Variants in CSMD1 observed in about 807,000 individuals in gnomAD.
CSMD1 encodes the protein CUB and Sushi multiple domains 1.
CSMD1 carries 213 observed loss-of-function variants against 417.5 expected under a neutral mutation model. The ratio of observed to expected loss-of-function variants is 0.51; its 90% CI spans 0.46 to 0.57. The LOEUF (loss-of-function observed/expected upper bound fraction) is 0.57. CSMD1 is among the 20% of genes least tolerant of loss of function. The pLI is 0.00. For synonymous variants in CSMD1, 2,862 were observed against 1,736.8 expected (o/e 1.65, Z -16.11); for missense variants, 6,923 against 4,529.7 (o/e 1.53, Z -15.17).
chr8:3,497,149 C>T (rs974454517), intron 10 of CSMD1, among the ~76,000 whole-genome samples: 2 of 152,142 alleles, frequency 1.3e-5, no homozygotes, highest in Non-Finnish European at 2.9e-5. Flanking sequence ...CTGTAAATGT[C>T]CGTTAGGTCC....
At chr8:4,280,955 C>A (rs1008849708) in intron 3 of CSMD1, among the ~76,000 whole-genome samples, 1 of 152,104 alleles carries the variant, frequency 6.6e-6, no homozygotes, top group Admixed American at 6.6e-5. Context: ...TTTCCAAACA[C>A]ACTTGAAAGT....
chr8:4,747,655 G>C (rs1057303120), intron 1 of CSMD1, among the ~76,000 whole-genome samples: 1 of 152,062 alleles, frequency 6.6e-6, no homozygotes, highest in African/African-American at 2.4e-5. Flanking sequence ...TTTATACTCA[G>C]TTGTTGATTT....
intron 20 of CSMD1, among the ~76,000 whole-genome samples, chr8:3,362,025 C>T (rs367550737): frequency 2.6e-5 from 4 of 152,170 alleles, no homozygotes; most frequent in Admixed American, 2.6e-4. Flanking sequence ...AGAATTCCAT[C>T]TTCTCACCAA....
chr8:4,687,383 C>T (rs1224844583), intron 1 of CSMD1, among the ~76,000 whole-genome samples: 1 of 152,096 alleles, frequency 6.6e-6, no homozygotes, highest in East Asian at 1.9e-4. Flanking sequence ...ATATAGCTTA[C>T]AAATGTCATA....
chr8:3,292,636 A>T (rs144408061), intron 25 of CSMD1, among the ~76,000 whole-genome samples: 1,846 of 152,186 alleles, frequency 0.012, 41 homozygotes, highest in African/African-American at 0.042. Context: ...TTTATCAGAG[A>T]CTAGGATGGC....
chr8:3,052,502 A>G lies in CSMD1; in HGVS notation c.7620T>C (p.Asp2540=), dbSNP rs1164335610. Residue 2540 remains aspartate, a synonymous_variant, in exon 50 of 70, where the codon GAT becomes GAC. Transcript: ENST00000635120. ...SQQATAVCQE[D]GLWSNKGKPP... The stretch of plus-strand genomic sequence containing the variant: ...GCTTCCCCTTGTTACTCCACAACCC[A>G]TCTTCTTGACACACGGCTGTTGCTT... 3 of 1,596,756 alleles carry G rather than the reference A, an allele frequency of 1.9e-6. No individual in the cohort carries two copies. The African/African-American group carries it at 4.0e-5, about 21-fold the overall frequency.
chr8:3,723,630 A>T (rs75231174), intron 6 of CSMD1, among the ~76,000 whole-genome samples: 2,442 of 150,892 alleles, frequency 0.016, 54 homozygotes, highest in African/African-American at 0.044. Context: ...AGAATTTTAG[A>T]CAAGTAGTGT....
intron 12 of CSMD1, among the ~76,000 whole-genome samples, chr8:3,464,732 G>A (rs1227418821): frequency 1.3e-5 from 2 of 151,924 alleles, no homozygotes; most frequent in South Asian, 2.1e-4. Flanking sequence ...AATGGTCAGT[G>A]TTGCTTTATA....
intron 3 of CSMD1, among the ~76,000 whole-genome samples, chr8:4,128,702 C>T (rs1019785274): frequency 6.6e-6 from 1 of 152,124 alleles, no homozygotes; most frequent in Non-Finnish European, 1.5e-5. Context: ...CACGCCCACA[C>T]ACTGTCCACT....
chr8:4,701,810 C>A (rs1486219476), intron 1 of CSMD1, among the ~76,000 whole-genome samples: 1 of 152,074 alleles, frequency 6.6e-6, no homozygotes, highest in African/African-American at 2.4e-5. Context: ...GATGCATAAT[C>A]TCATATTTAC....
intron 1 of CSMD1, among the ~76,000 whole-genome samples, chr8:4,723,190 G>T (rs982384062): frequency 1.3e-5 from 2 of 152,066 alleles, no homozygotes; most frequent in African/African-American, 2.4e-5. Context: ...TGGGGAACCC[G>T]CCAGGAAGTC....
chr8:3,179,601 T>C (rs1821184106), intron 37 of CSMD1, among the ~76,000 whole-genome samples: 1 of 152,224 alleles, frequency 6.6e-6, no homozygotes, highest in South Asian at 2.1e-4. Context: ...GATGAATTAT[T>C]TCACTAGCCC....
chr8:3,933,547 G>C (rs1011152385), intron 5 of CSMD1, among the ~76,000 whole-genome samples: 5 of 152,158 alleles, frequency 3.3e-5, no homozygotes, highest in East Asian at 1.9e-4. Flanking sequence ...AAAGAGATGA[G>C]AGTCCTGGCA....
At chr8:4,767,305 T>G (rs1390527140) in intron 1 of CSMD1, among the ~76,000 whole-genome samples, 1 of 152,206 alleles carries the variant, frequency 6.6e-6, no homozygotes, top group Non-Finnish European at 1.5e-5. Context: ...ACTATCATGG[T>G]GATAGAAAAT....
At chr8:3,724,457 T>C (rs1234612114) in intron 6 of CSMD1, among the ~76,000 whole-genome samples, 2 of 152,166 alleles carry the variant, frequency 1.3e-5, no homozygotes, top group Non-Finnish European at 1.5e-5. Context: ...TCAATGTAAT[T>C]CTGAATATAT....
intron 6 of CSMD1, among the ~76,000 whole-genome samples, chr8:3,745,091 T>A (rs903907152): frequency 1.3e-5 from 2 of 152,196 alleles, no homozygotes; most frequent in African/African-American, 4.8e-5. Context: ...ACAAGCTGAA[T>A]TGTAGCCCTA....
intron 3 of CSMD1, among the ~76,000 whole-genome samples, chr8:4,393,855 C>T (rs1804025050): frequency 6.6e-6 from 1 of 152,208 alleles, no homozygotes; most frequent in African/African-American, 2.4e-5. Context: ...GGAATGTACA[C>T]ACATGGAGCA....
intron 5 of CSMD1, among the ~76,000 whole-genome samples, chr8:3,807,734 C>G (rs1313620190): frequency 6.6e-6 from 1 of 152,098 alleles, no homozygotes; most frequent in East Asian, 1.9e-4. Context: ...CTTTATTACA[C>G]AGGAATCATC....
At chr8:4,017,492 G>C (rs1056526809) in intron 4 of CSMD1, among the ~76,000 whole-genome samples, 2 of 151,984 alleles carry the variant, frequency 1.3e-5, no homozygotes, top group East Asian at 1.9e-4. Context: ...TTTTAGTAGA[G>C]ACGGGGTTTC....
Sources: gnomAD v4.1 joint callset for allele counts (sites outside exome capture counted in the v4.1 genomes callset) on GRCh38, gnomAD v4.1.1 for gene constraint, MANE v1.5 for transcripts, NCBI Gene and HGNC (gene_info 2026-07-23, HGNC 2026-07-21) for gene names.